ROBO2: variants seen among roughly 807,000 people sequenced by gnomAD.
ROBO2 encodes the protein roundabout homolog 2.
A neutral mutation model predicts 160.8 loss-of-function variants in ROBO2; 53 were observed. That is an observed-to-expected ratio of 0.33 (90% CI 0.26 to 0.41). The LOEUF is 0.41. Among genes scored for constraint, ROBO2 ranks in the 10% least tolerant of loss-of-function variants. ROBO2 has a pLI of 1.00. For synonymous variants in ROBO2, 664 were observed against 611.7 expected (o/e 1.09, Z -1.26); for missense variants, 1,577 against 1,722.4 (o/e 0.92, Z 1.49).
intron 2 of ROBO2, among the ~76,000 whole-genome samples, chr3:76,826,447 G>A (rs145986758): frequency 1.6e-4 from 24 of 152,072 alleles, no homozygotes; most frequent in South Asian, 4.1e-4. Context: ...TTATTATTAC[G>A]TCATAGCACT....
chr3:76,963,836 CAAAAAAAA>C (rs11407644), intron 2 of ROBO2, among the ~76,000 whole-genome samples: 1 of 106,240 alleles, frequency 9.4e-6, no homozygotes, highest in Non-Finnish European at 2.0e-5. Context: ...TGAGGAACTG[CAAAAAAAA>C]AAAAAGAAAA....
intron 19 of ROBO2, among the ~76,000 whole-genome samples, chr3:77,600,392 T>A (rs2094406588): frequency 1.3e-5 from 2 of 152,228 alleles, no homozygotes; most frequent in African/African-American, 4.8e-5. Context: ...AAAGGCTGAC[T>A]ATAATTTTAT....
intron 2 of ROBO2, among the ~76,000 whole-genome samples, chr3:77,119,969 G>A (rs1489032648): frequency 1.3e-5 from 2 of 152,156 alleles, no homozygotes; most frequent in African/African-American, 4.8e-5. Flanking sequence ...AAATGTCCTT[G>A]AAAGCATTTG....
At chr3:76,814,932 C>T (rs190229764) in intron 2 of ROBO2, among the ~76,000 whole-genome samples, 8 of 152,094 alleles carry the variant, frequency 5.3e-5, no homozygotes, top group Admixed American at 2.0e-4. Flanking sequence ...TCTACTAGTA[C>T]TGAGGATTCC....
chr3:77,543,962 A>AATAAATTTCGAT (rs2092591751), intron 6 of ROBO2, among the ~76,000 whole-genome samples: 1 of 152,160 alleles, frequency 6.6e-6, no homozygotes, highest in Admixed American at 6.5e-5. Context: ...TAAATTATTC[A>AATAAATTTCGAT]ACACTCCTCA....
chr3:77,210,479 T>C (rs978621302), intron 2 of ROBO2, among the ~76,000 whole-genome samples: 1 of 152,154 alleles, frequency 6.6e-6, no homozygotes, highest in African/African-American at 2.4e-5. Context: ...AAAATTTCTG[T>C]TCTAGAACAA....
chr3:76,900,901 C>A (rs891403812), intron 2 of ROBO2, among the ~76,000 whole-genome samples: 7 of 152,134 alleles, frequency 4.6e-5, no homozygotes, highest in Non-Finnish European at 8.8e-5. Context: ...CACAGTTACT[C>A]TTAAAGGAAA....
At chr3:76,065,504 A>G (rs891268287) in intron 2 of ROBO2, among the ~76,000 whole-genome samples, 1 of 151,996 alleles carries the variant, frequency 6.6e-6, no homozygotes, top group Non-Finnish European at 1.5e-5. Context: ...ACTGTAAGAA[A>G]CAAAATCTTT....
chr3:75,916,990 T>C (rs537649701), intron 1 of ROBO2, among the ~76,000 whole-genome samples: 1 of 40,348 alleles, frequency 2.5e-5, no homozygotes, highest in South Asian at 8.5e-4. Context: ...TCTATATATA[T>C]ATACACACAC....
chr3:77,348,831 A>G (rs762764271), intron 2 of ROBO2, among the ~76,000 whole-genome samples: 12 of 152,058 alleles, frequency 7.9e-5, no homozygotes, highest in African/African-American at 2.7e-4. Context: ...CCCAGGGCTA[A>G]GTCCTCATTA....
exon 26 of ROBO2, chr3:77,647,161 C>A (rs544525369): frequency 3.2e-4 from 49 of 152,554 alleles, no homozygotes; most frequent in African/African-American, 1.1e-3. Context: ...CTTTCTAATA[C>A]ATGTACAGTG....
intron 2 of ROBO2, among the ~76,000 whole-genome samples, chr3:76,297,000 G>A (rs754274737): frequency 1.3e-5 from 2 of 152,166 alleles, no homozygotes; most frequent in Non-Finnish European, 2.9e-5. Context: ...GGAAGGCTGA[G>A]GAGATATGAG....
intron 2 of ROBO2, among the ~76,000 whole-genome samples, chr3:77,359,555 C>T (rs1479942709): frequency 1.3e-5 from 2 of 152,116 alleles, no homozygotes; most frequent in South Asian, 2.1e-4. Context: ...CTGAAGAACA[C>T]CATTACCTGT....
chr3:76,709,761 G>A (rs1482894415), intron 2 of ROBO2, among the ~76,000 whole-genome samples: 1 of 152,244 alleles, frequency 6.6e-6, no homozygotes, highest in South Asian at 2.1e-4. Context: ...TTAGTTTTCA[G>A]ATTATTTCTT....
At position 77,083,322 on chromosome 3, in the gene ROBO2, C is replaced by T. The variant is rs187588603; in HGVS notation, c.62-14692C>T. ...GAGGCAACTTGTATGATTCTGGATGCGTAAGATGAACTTAGGAAAGTCCCA... is the reference window on the plus strand; with the variant it reads ...GAGGCAACTTGTATGATTCTGGATGTGTAAGATGAACTTAGGAAAGTCCCA... On this transcript the variant is annotated intron_variant, in intron 1 of 25. Coordinates refer to ENST00000461745, the Ensembl canonical transcript of ROBO2. Among the ~76,000 whole-genome samples the T allele has an allele frequency of 4.6e-5, 7 of 152,184 alleles. No homozygotes were observed. The South Asian group carries it at 1.0e-3, about 23-fold the overall frequency.
At chr3:77,065,953 T>C (rs569605630) in intron 1 of ROBO2, among the ~76,000 whole-genome samples, 2 of 152,246 alleles carry the variant, frequency 1.3e-5, no homozygotes, top group African/African-American at 4.8e-5. Context: ...ATTGGCATTC[T>C]CCCAGGACTT....
intron 2 of ROBO2, among the ~76,000 whole-genome samples, chr3:76,023,522 A>G (rs1246486568): frequency 2.8e-4 from 43 of 151,648 alleles, no homozygotes; most frequent in Admixed American, 2.8e-3. Flanking sequence ...AGATGGAAGA[A>G]CAGTTAGTTG....
At chr3:76,094,128 TCG>T (rs1253752335) in intron 2 of ROBO2, among the ~76,000 whole-genome samples, 1 of 150,832 alleles carries the variant, frequency 6.6e-6, no homozygotes, top group African/African-American at 2.5e-5. Context: ...GAGTGCACAC[TCG>T]CACTCACACA....
intron 2 of ROBO2, among the ~76,000 whole-genome samples, chr3:76,917,140 C>A (rs1215714160): frequency 1.3e-5 from 2 of 152,178 alleles, no homozygotes; most frequent in African/African-American, 4.8e-5. Flanking sequence ...GGGGAGAATG[C>A]TGCTGCTTGG....
Sources: gnomAD v4.1 joint callset for allele counts (sites outside exome capture counted in the v4.1 genomes callset) on GRCh38, gnomAD v4.1.1 for gene constraint, MANE v1.5 for transcripts, NCBI Gene and HGNC (gene_info 2026-07-23, HGNC 2026-07-21) for gene names.